DCC: variants seen among roughly 807,000 people sequenced by gnomAD.
The protein encoded by DCC is netrin receptor DCC.
DCC carries 58 observed loss-of-function variants against 172.5 expected under a neutral mutation model. The ratio of observed to expected loss-of-function variants is 0.34; its 90% CI spans 0.27 to 0.42. The LOEUF is 0.42. Among genes scored for constraint, DCC ranks in the 10% least tolerant of loss-of-function variants. The pLI, the probability that DCC is intolerant of heterozygous loss-of-function variation, is 1.00. For missense variants in DCC, 1,740 were observed against 1,791.0 expected (o/e 0.97, Z 0.51); for synonymous variants, 709 against 644.5 (o/e 1.10, Z -1.52).
intron 5 of DCC, among the ~76,000 whole-genome samples, chr18:53,045,145 T>A (rs1431565155): frequency 2.0e-5 from 3 of 151,934 alleles, no homozygotes; most frequent in African/African-American, 7.2e-5. Flanking sequence ...CTTTAATTGA[T>A]GAATAATATG....
intron 1 of DCC, among the ~76,000 whole-genome samples, chr18:52,397,737 G>A (rs892386455): frequency 4.6e-5 from 7 of 151,956 alleles, no homozygotes; most frequent in Admixed American, 3.3e-4. Flanking sequence ...ATTGCCATTA[G>A]AGTCTGCCAG....
At chr18:53,489,271 T>C (rs2045935354) in intron 26 of DCC, among the ~76,000 whole-genome samples, 1 of 152,172 alleles carries the variant, frequency 6.6e-6, no homozygotes, top group Admixed American at 6.5e-5. Flanking sequence ...CTTCAGTCAT[T>C]CATCAAGAAC....
intron 1 of DCC, among the ~76,000 whole-genome samples, chr18:52,726,357 T>C (rs914903081): frequency 6.6e-6 from 1 of 152,154 alleles, no homozygotes; most frequent in African/African-American, 2.4e-5. Flanking sequence ...TCTTGCGTAG[T>C]AATTGTGATT....
rs563802168 is a variant in DCC at position 52,449,743 on chromosome 18, G to A, written c.91+108865G>A. 5.9e-5 allele frequency among the ~76,000 whole-genome samples: 9 copies of A among 152,254 alleles called. No homozygotes were observed. The South Asian group carries it at 1.5e-3, about 25-fold the overall frequency. ...CCATGTGTCATGGGAGGGACCTGGT[G>A]GTGGGTCTTTTCTCATGCTGTTCTC... On this transcript the variant is annotated intron_variant, in intron 1 of 28. Transcript: ENST00000442544.
At chr18:52,819,100 A>G (rs2038357182) in intron 2 of DCC, among the ~76,000 whole-genome samples, 2 of 152,212 alleles carry the variant, frequency 1.3e-5, no homozygotes, top group African/African-American at 4.8e-5. Flanking sequence ...TTTTACAGAA[A>G]TATTTTGCAT....
intron 1 of DCC, among the ~76,000 whole-genome samples, chr18:52,546,664 T>C (rs1035499308): frequency 6.9e-6 from 1 of 145,982 alleles, no homozygotes; most frequent in Non-Finnish European, 1.5e-5. Flanking sequence ...AATAATATCA[T>C]CATCATCATC....
At chr18:52,427,586 A>G (rs893767306) in intron 1 of DCC, among the ~76,000 whole-genome samples, 13 of 152,014 alleles carry the variant, frequency 8.6e-5, no homozygotes, top group African/African-American at 3.1e-4. Context: ...CTAAAGGATC[A>G]TCTGTTTTTA....
intron 2 of DCC, among the ~76,000 whole-genome samples, chr18:52,794,431 T>C (rs2037833715): frequency 6.6e-6 from 1 of 152,118 alleles, no homozygotes; most frequent in Non-Finnish European, 1.5e-5. Flanking sequence ...GATCACGTCC[T>C]TCATTTTTAA....
intron 15 of DCC, among the ~76,000 whole-genome samples, chr18:53,344,663 A>G (rs1255822492): frequency 6.6e-6 from 1 of 151,476 alleles, no homozygotes; most frequent in Non-Finnish European, 1.5e-5. Context: ...GCTGGTCTTG[A>G]ACTCCTGATG....
chr18:52,341,406 T>C (rs941251211), intron 1 of DCC, among the ~76,000 whole-genome samples: 1 of 152,190 alleles, frequency 6.6e-6, no homozygotes, highest in Non-Finnish European at 1.5e-5. Flanking sequence ...ACAGCTAATA[T>C]GTTTTGGTAC....
At chr18:53,259,084 T>C (rs546132435) in intron 12 of DCC, among the ~76,000 whole-genome samples, 47 of 152,302 alleles carry the variant, frequency 3.1e-4, no homozygotes, top group South Asian at 1.2e-3. Context: ...TCCATCCCTT[T>C]ATTTTGAGCC....
chr18:53,269,540 G>T (rs985367294), intron 12 of DCC, among the ~76,000 whole-genome samples: 6 of 152,140 alleles, frequency 3.9e-5, no homozygotes, highest in African/African-American at 1.4e-4. Context: ...GAAAGGCATA[G>T]AATGTTAAGA....
At chr18:53,460,952 G>A (rs1276036448) in intron 24 of DCC, among the ~76,000 whole-genome samples, 1 of 152,078 alleles carries the variant, frequency 6.6e-6, no homozygotes, top group Non-Finnish European at 1.5e-5. Flanking sequence ...GTTGTTTCCT[G>A]ACTTTTTAAT....
At chr18:52,540,676 G>A (rs1007026385) in intron 1 of DCC, among the ~76,000 whole-genome samples, 3 of 120,362 alleles carry the variant, frequency 2.5e-5, no homozygotes, top group African/African-American at 6.5e-5. Flanking sequence ...GCGCTATCTC[G>A]GCTCACTGCA....
chr18:53,435,004 A>G, intron 21 of DCC, 140 bp from the exon 22 acceptor site: 1 of 715,202 alleles, frequency 1.4e-6, no homozygotes. Flanking sequence ...TATAGGTGTA[A>G]GGGTATGAGA....
chr18:53,389,303 A>G (rs1162461994), intron 16 of DCC, among the ~76,000 whole-genome samples: 2 of 152,234 alleles, frequency 1.3e-5, no homozygotes, highest in Admixed American at 1.3e-4. Context: ...TGTAGCAACA[A>G]AAGAATGTGT....
chr18:53,195,471 G>A (rs1181501608), intron 9 of DCC, among the ~76,000 whole-genome samples: 1 of 152,138 alleles, frequency 6.6e-6, no homozygotes, highest in African/African-American at 2.4e-5. Flanking sequence ...GTAATTCCAT[G>A]CTTTGGGGAA....
chr18:53,476,578 T>C (rs1055684692), intron 25 of DCC, among the ~76,000 whole-genome samples: 11 of 152,234 alleles, frequency 7.2e-5, no homozygotes, highest in Non-Finnish European at 2.9e-5. Flanking sequence ...TTCCCAGCCA[T>C]GTGGAAATGT....
intron 5 of DCC, among the ~76,000 whole-genome samples, chr18:53,048,736 G>A (rs1031993206): frequency 1.3e-5 from 2 of 151,260 alleles, no homozygotes; most frequent in Non-Finnish European, 2.9e-5. Context: ...AAGTCAAACG[G>A]CAATTCTCTT....
Sources: gnomAD v4.1 joint callset for allele counts (sites outside exome capture counted in the v4.1 genomes callset) on GRCh38, gnomAD v4.1.1 for gene constraint, MANE v1.5 for transcripts, NCBI Gene and HGNC (gene_info 2026-07-23, HGNC 2026-07-21) for gene names.